TENM4: variants seen among roughly 807,000 people sequenced by gnomAD.
The protein encoded by TENM4 is teneurin-4.
In TENM4, 82 loss-of-function variants were observed where a neutral mutation model predicts 243.3. The ratio of observed to expected loss-of-function variants is 0.34; its 90% CI spans 0.28 to 0.40. The LOEUF is 0.40. Among genes scored for constraint, TENM4 ranks in the 10% least tolerant of loss-of-function variants. TENM4 has a pLI of 1.00. For missense variants in TENM4, 3,138 were observed against 3,673.3 expected (o/e 0.85, Z 3.77); for synonymous variants, 1,412 against 1,456.3 (o/e 0.97, Z 0.69).
chr11:78,932,334 C>CA (rs1472502889), intron 6 of TENM4, among the ~76,000 whole-genome samples: 1 of 152,172 alleles, frequency 6.6e-6, no homozygotes, highest in Non-Finnish European at 1.5e-5. Flanking sequence ...AGGAGTTCTG[C>CA]ACATCAGTTC....
chr11:79,151,493 T>C (rs971130497), intron 3 of TENM4, among the ~76,000 whole-genome samples: 4 of 152,168 alleles, frequency 2.6e-5, no homozygotes, highest in African/African-American at 9.7e-5. Context: ...GAAGAAAACT[T>C]GCTAGAAGTT....
At chr11:78,688,248 T>G in intron 28 of TENM4, 22 bp from the exon 29 acceptor site, 4 of 1,605,644 alleles carry the variant, frequency 2.5e-6, no homozygotes, top group Non-Finnish European at 3.4e-6. Context: ...GGGGTGGCAC[T>G]GAGTAGTAGA....
At chr11:79,335,124 A>T (rs1247006075) in intron 1 of TENM4, among the ~76,000 whole-genome samples, 1 of 152,176 alleles carries the variant, frequency 6.6e-6, no homozygotes, top group Non-Finnish European at 1.5e-5. Context: ...TTCCTTTTCG[A>T]GTGGGAGCTC....
chr11:78,869,950 G>A (rs1859082120), intron 9 of TENM4, among the ~76,000 whole-genome samples: 1 of 152,184 alleles, frequency 6.6e-6, no homozygotes, highest in Non-Finnish European at 1.5e-5. Flanking sequence ...TGCCTGACCA[G>A]CAACTGATCC....
rs765048208 is a variant in TENM4 at position 78,712,455 on chromosome 11, G to GACAGGGC, written c.4054+26_4054+27insGCCCTGT. 1.9e-6 allele frequency: 3 copies of GACAGGGC among 1,586,404 alleles called. No homozygotes were observed. In the South Asian group the frequency reaches 3.4e-5, roughly 18 times the overall value. On this transcript the variant is annotated intron_variant, in intron 26 of 33. Coordinates refer to ENST00000278550, the MANE Select transcript of TENM4 (RefSeq NM_001098816.3). ...GGAAAATACCCCAATAAATGTTATT[G>GACAGGGC]ACAATGTCTCTAAGGCAAGGCCTTA...
intron 12 of TENM4, among the ~76,000 whole-genome samples, chr11:78,833,086 C>T (rs1410780426): frequency 1.3e-5 from 2 of 152,216 alleles, no homozygotes; most frequent in Non-Finnish European, 2.9e-5. Context: ...CTCCAATGCA[C>T]ATTCTTCAAT....
chr11:79,160,657 C>G (rs1485844916), intron 3 of TENM4, among the ~76,000 whole-genome samples: 1 of 152,130 alleles, frequency 6.6e-6, no homozygotes, highest in Non-Finnish European at 1.5e-5. Context: ...AATATAGAGG[C>G]TTATCAGCAT....
At chr11:79,269,073 C>T (rs931512735) in intron 2 of TENM4, among the ~76,000 whole-genome samples, 4 of 152,206 alleles carry the variant, frequency 2.6e-5, no homozygotes, top group African/African-American at 9.6e-5. Context: ...AGGAACCTAA[C>T]CCTGTATTTC....
chr11:79,420,913 A>C (rs1256742630), intron 1 of TENM4, among the ~76,000 whole-genome samples: 1 of 152,176 alleles, frequency 6.6e-6, no homozygotes, highest in Non-Finnish European at 1.5e-5. Context: ...CAACTTCCAG[A>C]AGTTTCCAAA....
At chr11:79,325,124 A>C (rs1351028284) in intron 1 of TENM4, among the ~76,000 whole-genome samples, 1 of 152,136 alleles carries the variant, frequency 6.6e-6, no homozygotes, top group African/African-American at 2.4e-5. Context: ...GAGAGAGAGG[A>C]AGGATGTTTT....
Position 78,669,866 on chromosome 11 carries a change from C to T in TENM4, c.6479G>A (p.Arg2160His), listed in dbSNP as rs144957611. ...RMKEVQYEIFRSLMYWMTVQY... is the reference protein window; with the variant it reads ...RMKEVQYEIFHSLMYWMTVQY... ...GACGGTCATCCAGTACATGAGCGAG[C>T]GGAAGATCTCATACTGCACTTCCTT... Residue 2160 changes from arginine (R) to histidine (H), a missense_variant, in exon 32 of 34, where the codon CGC becomes CAC. Coordinates refer to ENST00000278550, the MANE Select transcript of TENM4 (RefSeq NM_001098816.3). The surrounding 1 kb of genome is among the most constrained non-coding windows in gnomAD (Gnocchi z 6.4). The T allele has an allele frequency of 2.0e-5, 33 of 1,613,702 alleles. No homozygotes were observed. Among genetic ancestry groups the T allele is most frequent in the South Asian group, 7.7e-5 (7 of 90,982 alleles).
chr11:79,382,821 T>A (rs1275209422), intron 1 of TENM4, among the ~76,000 whole-genome samples: 1 of 152,112 alleles, frequency 6.6e-6, no homozygotes, highest in African/African-American at 2.4e-5. Flanking sequence ...CTTGGAAGAA[T>A]ATTTATGAGA....
intron 12 of TENM4, among the ~76,000 whole-genome samples, chr11:78,844,761 G>A (rs1028534651): frequency 3.3e-5 from 5 of 152,166 alleles, no homozygotes; most frequent in African/African-American, 1.2e-4. Context: ...TGGAAGAGAG[G>A]CCTCACCAGA....
At chr11:79,108,197 T>G (rs1387843482) in intron 4 of TENM4, among the ~76,000 whole-genome samples, 1 of 152,178 alleles carries the variant, frequency 6.6e-6, no homozygotes, top group Non-Finnish European at 1.5e-5. Context: ...ACTCTAGGTG[T>G]TGCTGTGAAG....
intron 6 of TENM4, among the ~76,000 whole-genome samples, chr11:79,012,653 C>T (rs1393891985): frequency 2.6e-5 from 4 of 152,166 alleles, no homozygotes; most frequent in African/African-American, 9.7e-5. Flanking sequence ...GTTTGCTGTG[C>T]TGAACGAGAT....
intron 6 of TENM4, among the ~76,000 whole-genome samples, chr11:78,967,717 G>C (rs982772931): frequency 6.6e-6 from 1 of 152,160 alleles, no homozygotes; most frequent in Non-Finnish European, 1.5e-5. Context: ...CAGCTGAAGG[G>C]AACCTGGCAT....
chr11:78,941,596 C>CGGGGT (rs1356659938), intron 6 of TENM4, among the ~76,000 whole-genome samples: 1 of 139,064 alleles, frequency 7.2e-6, no homozygotes, highest in African/African-American at 2.6e-5. Flanking sequence ...GGCGCCGGGG[C>CGGGGT]GGGGTGGGGT....
At chr11:78,909,655 AGACT>A in intron 6 of TENM4, among the ~76,000 whole-genome samples, 1 of 152,376 alleles carries the variant, frequency 6.6e-6, no homozygotes, top group East Asian at 1.9e-4. Flanking sequence ...GGCAGCTGCC[AGACT>A]GACTGTCAGG....
At chr11:78,886,425 C>G (rs1855550806) in intron 9 of TENM4, among the ~76,000 whole-genome samples, 1 of 152,228 alleles carries the variant, frequency 6.6e-6, no homozygotes, top group African/African-American at 2.4e-5. Flanking sequence ...TTGTCCTCAG[C>G]AGCTGCAGGA....
Sources: allele counts gnomAD v4.1 joint callset (sites outside exome capture counted in the v4.1 genomes callset), GRCh38; gene constraint gnomAD v4.1.1; non-coding constraint Gnocchi (gnomAD v3.1); transcripts MANE v1.5; gene names NCBI Gene and HGNC (gene_info 2026-07-23, HGNC 2026-07-21).